Variants in INPP5E observed in about 807,000 individuals in gnomAD.
INPP5E encodes phosphatidylinositol polyphosphate 5-phosphatase type IV.
In INPP5E, 34 loss-of-function variants were observed where a neutral mutation model predicts 50.5. The ratio of observed to expected loss-of-function variants is 0.67; its 90% CI spans 0.51 to 0.90. INPP5E has a LOEUF of 0.90. Ranked by LOEUF, INPP5E falls within the 40% of genes least tolerant of loss-of-function variation. INPP5E has a pLI of 0.00. For missense variants in INPP5E, 942 were observed against 905.5 expected, an observed-to-expected ratio of 1.04 and a Z score of -0.52; for synonymous variants, 447 against 406.0, an observed-to-expected ratio of 1.10 and a Z score of -1.21.
rs1835975084 is a variant in INPP5E at position 136,439,844 on chromosome 9, G to GCGGGGCCGCGCCCGGTCC, written c.-426_-425insGGACCGGGCGCGGCCCCG. ...CGGCCGGGACCCAGCAACCGCCGCC[G>GCGGGGCCGCGCCCGGTCC]CGGGGCCGCGCCCGGTCCCCGCCCC... On this transcript the variant is annotated 5_prime_UTR_variant, in exon 1 of 10. Transcript: ENST00000371712. 1 of 150,904 alleles carries GCGGGGCCGCGCCCGGTCC rather than the reference G, an allele frequency of 6.6e-6. No individual in the cohort carries two copies. Among genetic ancestry groups the GCGGGGCCGCGCCCGGTCC allele is most frequent in the Admixed American group, 6.6e-5 (1 of 15,134 alleles). 9.3% of individuals were successfully genotyped at this position (150,904 alleles called of 1,614,324 possible). A position where few individuals can be genotyped will look rare whatever the true frequency, so the allele number is the denominator to read the frequency against.
In INPP5E at chr9:136,438,776, T is replaced by C; in HGVS notation, c.644A>G (p.Asp215Gly). ...CGCGCGGAGCTTGTAGTCTGCAAGA[T>C]CCGAGTCGACCTTGTTTGCTGTCCT... ...SLRTANKVDS[D>G]LADYKLRAQP... Residue 215 changes from aspartate to glycine, a missense_variant, in exon 1 of 10, where the codon GAT becomes GGT. Transcript: ENST00000371712. 1 of 1,612,100 alleles carries C rather than the reference T, an allele frequency of 6.2e-7. No individual in the cohort carries two copies. The highest frequency in any genetic ancestry group is 8.5e-7 in the Non-Finnish European group (1 of 1,179,668).
At position 136,429,441 on chromosome 9, in the gene INPP5E, G is replaced by A. The variant is rs984841589; in HGVS notation, c.*234C>T. 114 of 637,748 alleles carry A rather than the reference G, an allele frequency of 1.8e-4. 1 individual carries two copies. In the East Asian group the frequency reaches 3.1e-3, roughly 17 times the overall value. 39.5% of individuals were successfully genotyped at this position (637,748 alleles called of 1,614,324 possible). A position where few individuals can be genotyped will look rare whatever the true frequency, so the allele number is the denominator to read the frequency against. ...GGGTCCAAACCCTGCCACCCATGCTGTATGGACCTGCCATGGAGACGGGGG... is the reference window on the plus strand; with the variant it reads ...GGGTCCAAACCCTGCCACCCATGCTATATGGACCTGCCATGGAGACGGGGG... On this transcript the variant is annotated 3_prime_UTR_variant, in exon 10 of 10. Coordinates refer to ENST00000371712, the MANE Select transcript of INPP5E (RefSeq NM_019892.6).
At chr9:136,430,179 C>A in intron 9 of INPP5E, 98 bp downstream of exon 9, 1 of 1,469,660 alleles carries the variant, frequency 6.8e-7, no homozygotes, top group South Asian at 1.2e-5. Context: ...AGAACAAAGC[C>A]CCAAGTGGAA....
intron 1 of INPP5E, 104 bp downstream of exon 1, chr9:136,438,504 A>T: frequency 9.9e-7 from 1 of 1,009,138 alleles, no homozygotes; most frequent in Non-Finnish European, 1.5e-6. Context: ...CTTTCCGGTT[A>T]GGCATCTTAA....
intron 8 of INPP5E, 125 bp from the exon 9 acceptor site, chr9:136,430,538 C>T: frequency 8.4e-7 from 1 of 1,188,408 alleles, no homozygotes; most frequent in African/African-American, 1.5e-5. Flanking sequence ...CCCTGACACT[C>T]ATGCCCATTT....
intron 1 of INPP5E, chr9:136,436,060 G>A (rs745916632): frequency 1.3e-5 from 2 of 152,232 alleles, no homozygotes; most frequent in Non-Finnish European, 1.5e-5. Flanking sequence ...AAGGGGACAC[G>A]AGAGCATAGT....
Position 136,438,859 on chromosome 9 carries a change from GCTGGGCAGC to G in INPP5E, c.552_560del (p.Arg184_Pro186del), listed in dbSNP as rs1564437101. ...CAGGCGGTGGGCGCGGGGGCAGCAG[GCTGGGCAGC>G]CTGGGCGAGCTCCCCGCCACGGCGG... is the stretch of plus-strand genomic sequence containing the variant. On this transcript the variant is annotated inframe_deletion, in exon 1 of 10. Transcript: ENST00000371712. The G allele has an allele frequency of 5.0e-6, 8 of 1,600,216 alleles. No homozygotes were observed. Among genetic ancestry groups the G allele is most frequent in the Non-Finnish European group, 6.8e-6 (8 of 1,173,956 alleles).
intron 1 of INPP5E, chr9:136,438,027 C>T (rs937199136): frequency 4.5e-4 from 71 of 158,216 alleles, no homozygotes; most frequent in Non-Finnish European, 3.1e-4. Context: ...GCGCAGTGGC[C>T]CACGCCGGGA....
rs1483340858 is a variant in INPP5E at position 136,439,401 on chromosome 9, T to C, written c.19A>G (p.Asn7Asp). 6.8e-7 allele frequency: 1 copy of C among 1,465,636 alleles called. No homozygotes were observed. The highest frequency in any genetic ancestry group is 9.0e-7 in the Non-Finnish European group (1 of 1,114,872). 90.8% of individuals were successfully genotyped at this position (1,465,636 alleles called of 1,614,324 possible). The change falls in exon 1 of 10, where the codon AAT (asparagine) becomes GAT (aspartate). Residue 7 changes from asparagine to aspartate, a missense_variant. By Grantham distance (23) the Asn-to-Asp change is conservative. Transcript: ENST00000371712. MPSKAE[N>D]LRPSEPAPQP... ...GGGGCCGGCTCGGAGGGCCGCAGATTCTCCGCCTTGGACGGCATGGACGGT... is the reference window on the plus strand; with the variant it reads ...GGGGCCGGCTCGGAGGGCCGCAGATCCTCCGCCTTGGACGGCATGGACGGT...
At chr9:136,430,977 C>T (rs1835685435) in intron 8 of INPP5E, 25 bp downstream of exon 8, 3 of 1,495,444 alleles carry the variant, frequency 2.0e-6, no homozygotes, top group Non-Finnish European at 2.8e-6. Context: ...AAGCACTCTG[C>T]ACCGCAGCGG....
chr9:136,434,184 C>T (rs527570403), intron 2 of INPP5E, 50 bp from the exon 3 acceptor site: 57 of 1,347,092 alleles, frequency 4.2e-5, no homozygotes, highest in Middle Eastern at 1.8e-4. Context: ...AACCTGCAGG[C>T]GCCTGTGGGT....
At chr9:136,434,949 A>C (rs1835798146) in intron 1 of INPP5E, 86 bp from the exon 2 acceptor site, 16 of 1,489,066 alleles carry the variant, frequency 1.1e-5, no homozygotes, top group Non-Finnish European at 1.4e-5. Context: ...CAATAGCAAA[A>C]CCCATGGAAT....
At chr9:136,430,221 G>A in intron 9 of INPP5E, 56 bp downstream of exon 9, 1 of 1,547,948 alleles carries the variant, frequency 6.5e-7, no homozygotes, top group South Asian at 1.2e-5. Flanking sequence ...CTTAGCTCAT[G>A]GGACGACGGC....
Position 136,434,780 on chromosome 9 carries a change from A to G in INPP5E, c.896T>C (p.Val299Ala). 6.3e-7 allele frequency: 1 copy of G among 1,591,330 alleles called. No individual in the cohort carries two copies. The highest frequency in any genetic ancestry group is 1.1e-5 in the South Asian group (1 of 90,574). ...GTTCCAGGTGGCCACGAAGAGTGCC[A>G]CGTTCCGGTCTGGGAAGTAGCGGGC... ...ELARYFPDRNVALFVATWNMQ... is the reference protein window; with the variant it reads ...ELARYFPDRNAALFVATWNMQ... Residue 299 changes from valine to alanine, a missense_variant, in exon 2 of 10, where the codon GTG becomes GCG. Val to Ala is a moderately conservative substitution (Grantham distance 64). Coordinates refer to ENST00000371712, the MANE Select transcript of INPP5E (RefSeq NM_019892.6).
At chr9:136,434,645 C>T (rs1564434409) in intron 2 of INPP5E, 95 bp downstream of exon 2, 3 of 1,502,290 alleles carry the variant, frequency 2.0e-6, no homozygotes, top group Admixed American at 2.0e-5. Flanking sequence ...CCTCCTGGCC[C>T]CAGGATGAGG....
chr9:136,435,137 G>A (rs547532802), intron 1 of INPP5E, among the ~76,000 whole-genome samples: 3 of 152,274 alleles, frequency 2.0e-5, no homozygotes, highest in South Asian at 4.1e-4. Context: ...TTTTGGTGGT[G>A]GGATCCTGGA....
chr9:136,429,237 T>G lies in INPP5E; in HGVS notation c.*438A>C. 6.5e-6 allele frequency: 2 copies of G among 307,760 alleles called. No homozygotes were observed. The highest frequency in any genetic ancestry group is 1.3e-5 in the Non-Finnish European group (2 of 155,898). 19.1% of individuals were successfully genotyped at this position (307,760 alleles called of 1,614,324 possible). ...CCCGTGTGACATGGGGTGGTGTGTG[T>G]TTGAGGGGCTGCCAGGAGGACACAG... On this transcript the variant is annotated 3_prime_UTR_variant, in exon 10 of 10. Transcript: ENST00000371712.
At position 136,439,447 on chromosome 9, in the gene INPP5E, G is replaced by A. The variant is rs1336165487; in HGVS notation, c.-28C>T. 5 of 1,422,756 alleles carry A rather than the reference G, an allele frequency of 3.5e-6. No individual in the cohort carries two copies. Among genetic ancestry groups the A allele is most frequent in the South Asian group, 1.4e-5 (1 of 69,518 alleles). The allele number at this position is 1,422,756 out of a possible 1,614,324, so 88.1% of individuals were successfully genotyped here. On this transcript the variant is annotated 5_prime_UTR_variant, in exon 1 of 10. Coordinates refer to ENST00000371712, the MANE Select transcript of INPP5E (RefSeq NM_019892.6). ...ACGGTCTCTCCCGGGGCAGGCCTCGGCGCGAGGCCGCAGGCAGCGCGAGGG... is the reference window on the plus strand; with the variant it reads ...ACGGTCTCTCCCGGGGCAGGCCTCGACGCGAGGCCGCAGGCAGCGCGAGGG...
chr9:136,438,377 C>CCTTA lies in INPP5E; in HGVS notation c.812+227_812+230dup, dbSNP rs2131616157. 3 of 601,978 alleles carry CCTTA rather than the reference C, an allele frequency of 5.0e-6. No homozygotes were observed. The South Asian group carries it at 5.9e-5, about 12-fold the overall frequency. 37.3% of individuals were successfully genotyped at this position (601,978 alleles called of 1,614,324 possible). A position where few individuals can be genotyped will look rare whatever the true frequency, so the allele number is the denominator to read the frequency against. On this transcript the variant is annotated intron_variant, in intron 1 of 9. Coordinates refer to ENST00000371712, the MANE Select transcript of INPP5E (RefSeq NM_019892.6). ...TGTATGCAGGATGCCATCCTGTCTA[C>CCTTA]CTTAACACAACGTCACGCCCACGAA...
Sources: gnomAD v4.1 joint callset for allele counts (sites outside exome capture counted in the v4.1 genomes callset) on GRCh38, gnomAD v4.1.1 for gene constraint, MANE v1.5 for transcripts, NCBI Gene and HGNC (gene_info 2026-07-23, HGNC 2026-07-21) for gene names.